Variants in UBE2E3 observed in about 807,000 individuals in gnomAD.
UBE2E3 encodes the protein ubiquitin conjugating enzyme E2 E3.
UBE2E3 carries 5 observed loss-of-function variants against 23.6 expected under a neutral mutation model. The ratio of observed to expected loss-of-function variants is 0.21; its 90% CI spans 0.11 to 0.44. The LOEUF is 0.44. Among genes scored for constraint, UBE2E3 ranks in the 20% least tolerant of loss-of-function variants. The pLI is 0.99. For synonymous variants in UBE2E3, 78 were observed against 87.5 expected, an observed-to-expected ratio of 0.89 and a Z score of 0.60; for missense variants, 81 against 249.8, an observed-to-expected ratio of 0.32 and a Z score of 4.55.
At chr2:181,057,947 G>A in intron 4 of UBE2E3, 122 bp downstream of exon 4, 3 of 1,025,238 alleles carry the variant, frequency 2.9e-6, no homozygotes, top group Non-Finnish European at 4.1e-6. Flanking sequence ...GGATTGATAT[G>A]GAAATTTTCG....
chr2:181,061,526 A>G (rs1047701817), intron 5 of UBE2E3, among the ~76,000 whole-genome samples: 1 of 151,660 alleles, frequency 6.6e-6, no homozygotes, highest in South Asian at 2.1e-4. Context: ...TTAATAATAG[A>G]AGGCTTCTTG....
intron 3 of UBE2E3, among the ~76,000 whole-genome samples, chr2:181,014,154 C>T (rs1415769866): frequency 6.6e-6 from 1 of 152,060 alleles, no homozygotes; most frequent in East Asian, 1.9e-4. Context: ...GTGCCATATT[C>T]GGAGATAGGA....
In UBE2E3 at chr2:180,982,302, G is replaced by T. The variant is rs556246708; in HGVS notation, c.194+66G>T. ...GTCTTCCAGGTGGTTGGACGCTTTT[G>T]TTGGTTTTACCTCAATAGCAGTAGT... On this transcript the variant is annotated intron_variant, in intron 2 of 5. Transcript: ENST00000410062. 1.1e-4 allele frequency: 162 copies of T among 1,493,600 alleles called. 1 individual carries two copies. In the African/African-American group the frequency reaches 2.1e-3, roughly 19 times the overall value. The allele number at this position is 1,493,600 out of a possible 1,614,324, so 92.5% of individuals were successfully genotyped here. A position where few individuals can be genotyped will look rare whatever the true frequency, so the allele number is the denominator to read the frequency against.
At chr2:181,006,410 G>A (rs888179046) in intron 3 of UBE2E3, among the ~76,000 whole-genome samples, 7 of 150,670 alleles carry the variant, frequency 4.6e-5, no homozygotes, top group African/African-American at 7.3e-5. Context: ...ACCTTTTGCC[G>A]TTCCAGATTC....
At chr2:181,025,994 TACG>T (rs1444441160) in intron 3 of UBE2E3, among the ~76,000 whole-genome samples, 1 of 151,934 alleles carries the variant, frequency 6.6e-6, no homozygotes, top group African/African-American at 2.4e-5. Context: ...ATTCAAAACA[TACG>T]TTAAATGTTG....
At chr2:181,024,908 GTATTACTATACTGCTTCACATCAGCTC>G (rs1402406584) in intron 3 of UBE2E3, among the ~76,000 whole-genome samples, 1 of 151,930 alleles carries the variant, frequency 6.6e-6, no homozygotes, top group African/African-American at 2.4e-5. Flanking sequence ...AATTTCCCAT[GTATTACTATACTGCTTCACATCAGCTC>G]TATTAATAAA....
intron 3 of UBE2E3, among the ~76,000 whole-genome samples, chr2:180,992,835 AT>A (rs112502043): frequency 0.24 from 35,251 of 149,734 alleles, 4,464 homozygotes; most frequent in Non-Finnish European, 0.29. Context: ...CTAATTTTGT[AT>A]TTTTTTTTTA....
chr2:180,982,121 C>G lies in UBE2E3; in HGVS notation c.79C>G (p.Pro27Ala), dbSNP rs199721038. 1.2e-6 allele frequency: 2 copies of G among 1,613,340 alleles called. No individual in the cohort carries two copies. The highest frequency in any genetic ancestry group is 3.3e-5 in the Admixed American group (2 of 59,918). Residue 27 changes from proline to alanine, a missense_variant, in exon 2 of 6, where the codon CCA (proline) becomes GCA (alanine). Pro to Ala is a conservative substitution (Grantham distance 27). Coordinates refer to ENST00000410062, the MANE Select transcript of UBE2E3 (RefSeq NM_006357.4). ...CAGTTCAGATGCGGACCAGCGAGAC[C>G]CAGCCGCTCCAGAGCCTGAAGAACA... ...SGSSDADQRDPAAPEPEEQEE... is the reference protein window; with the variant it reads ...SGSSDADQRDAAAPEPEEQEE...
intron 3 of UBE2E3, among the ~76,000 whole-genome samples, chr2:180,989,684 T>A (rs1411038872): frequency 3.9e-5 from 6 of 152,176 alleles, no homozygotes. Flanking sequence ...CACATTTTTA[T>A]TAAGGATCTA....
intron 3 of UBE2E3, among the ~76,000 whole-genome samples, chr2:181,021,147 A>C (rs557926669): frequency 6.6e-6 from 1 of 152,324 alleles, no homozygotes; most frequent in Admixed American, 6.5e-5. Flanking sequence ...GTGGGCTTTC[A>C]CATATAGTAA....
At chr2:181,038,258 C>T (rs1172056769) in intron 3 of UBE2E3, among the ~76,000 whole-genome samples, 1 of 152,118 alleles carries the variant, frequency 6.6e-6, no homozygotes, top group Non-Finnish European at 1.5e-5. Context: ...TTACAGTTGC[C>T]TACAGTATTC....
chr2:181,045,818 A>T (rs550578601), intron 3 of UBE2E3, among the ~76,000 whole-genome samples: 1 of 152,158 alleles, frequency 6.6e-6, no homozygotes, highest in Non-Finnish European at 1.5e-5. Flanking sequence ...TTCCCTTATT[A>T]ATTTAGTGAG....
chr2:181,023,146 C>G (rs1685761061), intron 3 of UBE2E3, among the ~76,000 whole-genome samples: 2 of 152,268 alleles, frequency 1.3e-5, no homozygotes, highest in East Asian at 3.9e-4. Context: ...CCCAATAAAC[C>G]CATCCTAACA....
intron 3 of UBE2E3, among the ~76,000 whole-genome samples, chr2:181,043,756 A>C (rs1686586196): frequency 6.6e-6 from 1 of 152,198 alleles, no homozygotes. Context: ...AATTGTTTAC[A>C]CAATATGATT....
chr2:181,021,321 A>G (rs1351165801), intron 3 of UBE2E3, among the ~76,000 whole-genome samples: 1 of 150,520 alleles, frequency 6.6e-6, no homozygotes, highest in East Asian at 1.9e-4. Flanking sequence ...GATTATCCAG[A>G]TAACCTCACC....
At chr2:181,050,765 G>A (rs888506382) in intron 3 of UBE2E3, among the ~76,000 whole-genome samples, 3 of 151,682 alleles carry the variant, frequency 2.0e-5, no homozygotes, top group Non-Finnish European at 4.4e-5. Context: ...AAAAATACTC[G>A]AACAGGATTA....
At chr2:181,031,269 A>G (rs181944157) in intron 3 of UBE2E3, among the ~76,000 whole-genome samples, 12 of 152,122 alleles carry the variant, frequency 7.9e-5, no homozygotes, top group Admixed American at 2.6e-4. Context: ...AATCATGTTC[A>G]TTTATTATGT....
intron 3 of UBE2E3, among the ~76,000 whole-genome samples, chr2:181,033,178 A>C (rs1686140398): frequency 6.6e-6 from 1 of 152,212 alleles, no homozygotes; most frequent in Admixed American, 6.5e-5. Context: ...GGAAACAACT[A>C]CTTTAAAGTT....
intron 3 of UBE2E3, among the ~76,000 whole-genome samples, chr2:181,003,561 G>C (rs1249345247): frequency 6.6e-6 from 1 of 152,152 alleles, no homozygotes; most frequent in African/African-American, 2.4e-5. Context: ...TGGATTTTTG[G>C]ATTGTGATTT....
Sources: gnomAD v4.1 joint callset for allele counts (sites outside exome capture counted in the v4.1 genomes callset) on GRCh38, gnomAD v4.1.1 for gene constraint, MANE v1.5 for transcripts, NCBI Gene and HGNC (gene_info 2026-07-23, HGNC 2026-07-21) for gene names.